PICALM: variants seen among roughly 807,000 people sequenced by gnomAD.
PICALM encodes phosphatidylinositol binding clathrin assembly protein.
In PICALM, 40 loss-of-function variants were observed where a neutral mutation model predicts 80.5. The ratio of observed to expected loss-of-function variants is 0.50; its 90% CI spans 0.39 to 0.65. The LOEUF is 0.65. PICALM is among the 30% of genes least tolerant of loss of function. The pLI is 0.00. For missense variants in PICALM, 676 were observed against 778.9 expected, an observed-to-expected ratio of 0.87 and a Z score of 1.57; for synonymous variants, 288 against 260.3, an observed-to-expected ratio of 1.11 and a Z score of -1.02.
intron 9 of PICALM, among the ~76,000 whole-genome samples, chr11:86,002,715 G>A (rs1565366559): frequency 1.3e-5 from 2 of 152,066 alleles, no homozygotes; most frequent in African/African-American, 2.4e-5. Flanking sequence ...TAATACGAAA[G>A]TATCTTGCAA....
chr11:86,066,862 G>C (rs1593582416), intron 1 of PICALM, among the ~76,000 whole-genome samples: 1 of 151,980 alleles, frequency 6.6e-6, no homozygotes, highest in African/African-American at 2.4e-5. Flanking sequence ...GCCGTAAATA[G>C]CAGAAACGTC....
At chr11:86,051,837 A>C (rs777589090) in intron 1 of PICALM, among the ~76,000 whole-genome samples, 13 of 152,240 alleles carry the variant, frequency 8.5e-5, no homozygotes, top group South Asian at 2.1e-4. Context: ...AAGGTTCTTC[A>C]TCGCCATCTA....
intron 1 of PICALM, 127 bp downstream of exon 1, chr11:86,068,524 C>G: frequency 2.4e-6 from 2 of 849,130 alleles, no homozygotes; most frequent in South Asian, 3.5e-5. Context: ...GGCACAGGAC[C>G]GGCCGTGCCA....
At chr11:86,006,497 A>C (rs11234509) in intron 8 of PICALM, among the ~76,000 whole-genome samples, 4,431 of 152,168 alleles carry the variant, frequency 0.029, 225 homozygotes, top group African/African-American at 0.1. Context: ...AAATACGAAA[A>C]TTAGCTGGGC....
intron 1 of PICALM, among the ~76,000 whole-genome samples, chr11:86,034,263 C>A (rs1019657354): frequency 2.0e-5 from 3 of 152,084 alleles, no homozygotes; most frequent in Non-Finnish European, 4.4e-5. Flanking sequence ...CTATACCTCC[C>A]ATAGTATTTA....
chr11:85,994,347 G>T (rs1175359720), intron 12 of PICALM, among the ~76,000 whole-genome samples: 1 of 152,142 alleles, frequency 6.6e-6, no homozygotes, highest in African/African-American at 2.4e-5. Flanking sequence ...AAGAGAGCTT[G>T]TGTTCTCCCA....
chr11:86,031,547 T>C lies in PICALM; in HGVS notation c.195A>G (p.Glu65=), dbSNP rs1373262598. The C allele has an allele frequency of 1.2e-6, 2 of 1,609,734 alleles. No individual in the cohort carries two copies. The highest frequency in any genetic ancestry group is 1.3e-5 in the African/African-American group (1 of 74,852). The part of the protein sequence containing the change: ...NIPQLADSLF[E]RTTNSSWVVV... The stretch of plus-strand genomic sequence containing the variant: ...CCACCCAACTACTATTAGTAGTTCT[T>C]TCAAATAAACTGTCTGCCAACTGTG... The change falls in exon 2 of 20, where the codon GAA becomes GAG. Residue 65 remains glutamate (E), a synonymous_variant. Transcript: ENST00000393346.
rs373331447 is a variant in PICALM, at chr11:85,986,424, C to T, written c.1409-2451G>A. On this transcript the variant is annotated intron_variant, in intron 13 of 19. Coordinates refer to ENST00000393346, the MANE Select transcript of PICALM (RefSeq NM_007166.4). ...TTTGAGACGGAGTCTCGCTCTGTCA[C>T]CCAGGCCGGACTGCGGACTGCAGTG... 1.1e-3 allele frequency among the ~76,000 whole-genome samples: 131 copies of T among 123,206 alleles called. 5 individuals are homozygous for T. In the South Asian group the frequency reaches 0.033, roughly 31 times the overall value. The allele number at this position is 123,206 out of a possible 152,430, so 80.8% of individuals were successfully genotyped here.
intron 19 of PICALM, among the ~76,000 whole-genome samples, chr11:85,959,836 T>C (rs2093630182): frequency 6.6e-6 from 1 of 151,872 alleles, no homozygotes; most frequent in Non-Finnish European, 1.5e-5. Flanking sequence ...CGCATCAGCC[T>C]CCCAGGGTGC....
chr11:86,069,071 T>C lies in PICALM; in HGVS notation c.-291A>G. 2.9e-6 allele frequency: 1 copy of C among 342,550 alleles called. No homozygotes were observed. Among genetic ancestry groups the C allele is most frequent in the Non-Finnish European group, 5.4e-6 (1 of 185,168 alleles). The allele number at this position is 342,550 out of a possible 1,614,324, so 21.2% of individuals were successfully genotyped here. A position where few individuals can be genotyped will look rare whatever the true frequency, so the allele number is the denominator to read the frequency against. On this transcript the variant is annotated 5_prime_UTR_variant, in exon 1 of 20. Coordinates refer to ENST00000393346, the MANE Select transcript of PICALM (RefSeq NM_007166.4). Reference sequence around the variant, plus strand: ...GGGCAGGGTAAGAGGAACAGGCAGCTGCAGGAAAATGGCGGCGCCAGGCTC... The same window carrying C: ...GGGCAGGGTAAGAGGAACAGGCAGCCGCAGGAAAATGGCGGCGCCAGGCTC...
At chr11:85,962,274 C>T (rs2093714597) in intron 19 of PICALM, among the ~76,000 whole-genome samples, 1 of 152,170 alleles carries the variant, frequency 6.6e-6, no homozygotes, top group South Asian at 2.1e-4. Flanking sequence ...TCCTCAGTTA[C>T]TGAGCTGGAG....
At chr11:86,026,271 T>TGTAA (rs1305760573) in intron 3 of PICALM, 21 bp downstream of exon 3, 2 of 1,336,946 alleles carry the variant, frequency 1.5e-6, no homozygotes, top group South Asian at 1.2e-5. Flanking sequence ...TGATTTTCTA[T>TGTAA]AATGTAAAAG....
Position 85,958,962 on chromosome 11 carries a change from CA to C in PICALM, c.*83del. On this transcript the variant is annotated 3_prime_UTR_variant, in exon 20 of 20. Coordinates refer to ENST00000393346, the MANE Select transcript of PICALM (RefSeq NM_007166.4). ...AAGAGAGTTTAAGAGATTTAAGAGA[CA>C]GCAGTTTGGATTTTGCTGGAAGTAA... 1.1e-6 allele frequency: 1 copy of C among 944,094 alleles called. No individual in the cohort carries two copies. Among genetic ancestry groups the C allele is most frequent in the South Asian group, 1.5e-5 (1 of 68,242 alleles). 58.5% of individuals were successfully genotyped at this position (944,094 alleles called of 1,614,324 possible).
intron 12 of PICALM, among the ~76,000 whole-genome samples, chr11:85,996,214 C>A (rs1024596478): frequency 6.6e-6 from 1 of 152,048 alleles, no homozygotes; most frequent in African/African-American, 2.4e-5. Flanking sequence ...ATTAACTTAT[C>A]TTGCTATGAG....
At chr11:86,024,156 G>A (rs1159037810) in intron 3 of PICALM, among the ~76,000 whole-genome samples, 1 of 151,758 alleles carries the variant, frequency 6.6e-6, no homozygotes, top group African/African-American at 2.4e-5. Context: ...AACAGAACCA[G>A]ATCCTGTCTC....
At chr11:86,010,977 ATACT>A (rs2095384738) in intron 7 of PICALM, 49 bp downstream of exon 7, 1 of 756,554 alleles carries the variant, frequency 1.3e-6, no homozygotes, top group South Asian at 1.5e-5. Context: ...TTCAAAATCC[ATACT>A]TACAGACAAA....
chr11:86,000,107 G>A (rs1252550762), intron 11 of PICALM, among the ~76,000 whole-genome samples: 1 of 152,104 alleles, frequency 6.6e-6, no homozygotes, highest in Non-Finnish European at 1.5e-5. Flanking sequence ...ACTTTACCTG[G>A]CAATATTATA....
chr11:86,060,776 A>T (rs2096348477), intron 1 of PICALM, among the ~76,000 whole-genome samples: 1 of 151,864 alleles, frequency 6.6e-6, no homozygotes, highest in Non-Finnish European at 1.5e-5. Context: ...CATTACACTC[A>T]CAAAAATTAA....
At position 85,960,680 on chromosome 11, in the gene PICALM, G is replaced by A. The variant is rs757566618; in HGVS notation, c.1945-1620C>T. Reference sequence around the variant, plus strand: ...CCCAAAACAAGTAGCAATACCTAAAGTGATTTATAAGAAATCCTCCAAAGA... The same window carrying A: ...CCCAAAACAAGTAGCAATACCTAAAATGATTTATAAGAAATCCTCCAAAGA... On this transcript the variant is annotated intron_variant, in intron 19 of 19. Transcript: ENST00000393346. 1.2e-5 allele frequency: 16 copies of A among 1,286,408 alleles called. No homozygotes were observed. In the East Asian group the frequency reaches 6.7e-4, roughly 54 times the overall value. The allele number at this position is 1,286,408 out of a possible 1,614,324, so 79.7% of individuals were successfully genotyped here.
Sources: allele counts gnomAD v4.1 joint callset (sites outside exome capture counted in the v4.1 genomes callset), GRCh38; gene constraint gnomAD v4.1.1; transcripts MANE v1.5; gene names NCBI Gene and HGNC (gene_info 2026-07-23, HGNC 2026-07-21).